The following PTPRM variants were observed in gnomAD, a reference collection of about 807,000 sequenced individuals.
The protein encoded by PTPRM is protein tyrosine phosphatase receptor type M.
A neutral mutation model predicts 186.7 loss-of-function variants in PTPRM; 47 were observed. That is an observed-to-expected ratio of 0.25 (90% CI 0.20 to 0.32). The LOEUF is 0.32. Among genes scored for constraint, PTPRM ranks in the 10% least tolerant of loss-of-function variants. The pLI, the probability that PTPRM is intolerant of heterozygous loss-of-function variation, is 1.00. For synonymous variants in PTPRM, 668 were observed against 674.9 expected (o/e 0.99, Z 0.16); for missense variants, 1,494 against 1,865.0 (o/e 0.80, Z 3.66).
At chr18:7,624,241 C>T (rs2038007010) in intron 1 of PTPRM, among the ~76,000 whole-genome samples, 1 of 152,128 alleles carries the variant, frequency 6.6e-6, no homozygotes, top group African/African-American at 2.4e-5. Context: ...ATGTTCTTTC[C>T]ACTGTGCTTG....
At chr18:8,108,910 T>C (rs1212884134) in intron 11 of PTPRM, among the ~76,000 whole-genome samples, 3 of 152,178 alleles carry the variant, frequency 2.0e-5, no homozygotes, top group Non-Finnish European at 2.9e-5. Context: ...GTGGTGCAAC[T>C]TTAATAAACA....
chr18:7,867,621 TC>T (rs2047776436), intron 2 of PTPRM, among the ~76,000 whole-genome samples: 1 of 152,168 alleles, frequency 6.6e-6, no homozygotes, highest in Non-Finnish European at 1.5e-5. Context: ...CTCTCTGGCT[TC>T]CCTTAATATT....
chr18:7,592,025 A>G (rs1336303374), intron 1 of PTPRM, among the ~76,000 whole-genome samples: 1 of 152,204 alleles, frequency 6.6e-6, no homozygotes, highest in Non-Finnish European at 1.5e-5. Context: ...CAGCATTATC[A>G]CAACAGTAAT....
chr18:7,680,400 A>G (rs2039453306), intron 1 of PTPRM, among the ~76,000 whole-genome samples: 1 of 152,138 alleles, frequency 6.6e-6, no homozygotes, highest in Non-Finnish European at 1.5e-5. Context: ...GCAGGTTTCC[A>G]TCCCCAAGGG....
chr18:8,182,891 G>T (rs1391204219), intron 14 of PTPRM, among the ~76,000 whole-genome samples: 1 of 152,206 alleles, frequency 6.6e-6, no homozygotes, highest in Admixed American at 6.5e-5. Flanking sequence ...CTGTGAGTGT[G>T]CACGGGTATG....
chr18:8,151,834 G>A (rs563455797), intron 14 of PTPRM, among the ~76,000 whole-genome samples: 1 of 152,106 alleles, frequency 6.6e-6, no homozygotes, highest in African/African-American at 2.4e-5. Flanking sequence ...AAGACCATGG[G>A]AAAAGCGCAG....
intron 22 of PTPRM, among the ~76,000 whole-genome samples, chr18:8,337,735 A>T (rs1438488860): frequency 6.6e-6 from 1 of 152,200 alleles, no homozygotes. Context: ...GGAGATGTGC[A>T]GGCTTTAAGT....
intron 7 of PTPRM, among the ~76,000 whole-genome samples, chr18:7,990,839 C>T (rs1177724147): frequency 3.3e-5 from 5 of 151,890 alleles, no homozygotes; most frequent in South Asian, 4.2e-4. Context: ...GCCTGGGGGA[C>T]GGGGGATGGG....
intron 14 of PTPRM, among the ~76,000 whole-genome samples, chr18:8,237,925 C>T (rs1229948283): frequency 6.6e-6 from 1 of 150,728 alleles, no homozygotes; most frequent in Admixed American, 6.6e-5. Flanking sequence ...TTCTTATCCT[C>T]ACTCCTCTGT....
chr18:8,252,419 A>G (rs947058341), intron 17 of PTPRM, 69 bp from the exon 18 acceptor site: 1 of 1,208,148 alleles, frequency 8.3e-7, no homozygotes, highest in South Asian at 1.2e-5. Flanking sequence ...TTATGCACGC[A>G]GTACTATTGC....
intron 7 of PTPRM, among the ~76,000 whole-genome samples, chr18:8,000,291 A>G (rs1454291106): frequency 1.3e-5 from 2 of 152,228 alleles, no homozygotes; most frequent in Non-Finnish European, 2.9e-5. Context: ...AGATAGTTGA[A>G]TATGATGCTT....
At chr18:7,589,340 A>G (rs866606434) in intron 1 of PTPRM, among the ~76,000 whole-genome samples, 8 of 152,244 alleles carry the variant, frequency 5.3e-5, no homozygotes, top group African/African-American at 1.9e-4. Flanking sequence ...GAAACAGCAA[A>G]TGGGAAAGGA....
At chr18:7,751,352 G>A (rs912799029) in intron 1 of PTPRM, 5 of 152,160 alleles carry the variant, frequency 3.3e-5, no homozygotes, top group South Asian at 2.1e-4. Context: ...CTCATTCAAC[G>A]TTTTTGTATC....
chr18:8,042,973 G>T (rs184811488), intron 7 of PTPRM, among the ~76,000 whole-genome samples: 1 of 151,956 alleles, frequency 6.6e-6, no homozygotes, highest in African/African-American at 2.4e-5. Flanking sequence ...CGTCTCAACC[G>T]CCTACAGCTG....
intron 21 of PTPRM, among the ~76,000 whole-genome samples, chr18:8,316,572 G>T (rs1568732965): frequency 6.6e-6 from 1 of 152,220 alleles, no homozygotes; most frequent in Non-Finnish European, 1.5e-5. Context: ...TTGAGTACTT[G>T]TGCGTTATTT....
chr18:8,072,073 T>C (rs1002844797), intron 8 of PTPRM, among the ~76,000 whole-genome samples: 1 of 152,218 alleles, frequency 6.6e-6, no homozygotes, highest in South Asian at 2.1e-4. Flanking sequence ...TTCTTTTTAT[T>C]GTAAACTACT....
At chr18:8,084,329 A>G (rs2090317420) in intron 9 of PTPRM, among the ~76,000 whole-genome samples, 1 of 152,146 alleles carries the variant, frequency 6.6e-6, no homozygotes. Context: ...TGGAGGACCA[A>G]GTAATCATAC....
chr18:7,879,171 C>T (rs1032030851), intron 2 of PTPRM, among the ~76,000 whole-genome samples: 9 of 152,154 alleles, frequency 5.9e-5, no homozygotes, highest in African/African-American at 2.2e-4. Flanking sequence ...AAGGAGAGCA[C>T]ATTGCTTGTT....
intron 1 of PTPRM, among the ~76,000 whole-genome samples, chr18:7,650,894 CAA>C (rs2038685567): frequency 1.3e-5 from 2 of 150,278 alleles, no homozygotes; most frequent in South Asian, 4.2e-4. Flanking sequence ...ATGTAAAATG[CAA>C]AGTTATAAAA....
Sources: gnomAD v4.1 joint callset for allele counts (sites outside exome capture counted in the v4.1 genomes callset) on GRCh38, gnomAD v4.1.1 for gene constraint, MANE v1.5 for transcripts, NCBI Gene and HGNC (gene_info 2026-07-23, HGNC 2026-07-21) for gene names.